RAP1B: variants seen among roughly 807,000 people sequenced by gnomAD.
RAP1B encodes the protein RAP1B, member of RAS oncogene family.
Under a neutral mutation model 27.5 loss-of-function variants are expected in RAP1B, and 1 was observed. That is an observed-to-expected ratio of 0.04 (90% CI 0.01 to 0.17). The LOEUF (loss-of-function observed/expected upper bound fraction) is 0.17. RAP1B is among the 10% of genes least tolerant of loss of function. The pLI is 1.00. For synonymous variants in RAP1B, 75 were observed against 73.1 expected, an observed-to-expected ratio of 1.03 and a Z score of -0.13; for missense variants, 84 against 214.8, an observed-to-expected ratio of 0.39 and a Z score of 3.81.
chr12:68,654,105 A>T lies in RAP1B; in HGVS notation c.184-7A>T, dbSNP rs779109159. The T allele has an allele frequency of 2.4e-5, 38 of 1,577,184 alleles. No individual in the cohort carries two copies. The South Asian group carries it at 4.0e-4, about 17-fold the overall frequency. ...TGTTTTTTAACGTTCCTTTCTTTCT[A>T]TTGTAGGAGCAATTTACAGCAATGA... On this transcript the variant is annotated splice_region_variant and splice_polypyrimidine_tract_variant and intron_variant, in intron 4 of 7. Transcript: ENST00000250559.
At chr12:68,654,793 G>C (rs761129143) in intron 5 of RAP1B, among the ~76,000 whole-genome samples, 5 of 152,088 alleles carry the variant, frequency 3.3e-5, no homozygotes, top group Non-Finnish European at 5.9e-5. Context: ...TATTAATTTA[G>C]GTGCCCCTTC....
intron 5 of RAP1B, 145 bp from the exon 6 acceptor site, chr12:68,656,161 A>C: frequency 1.4e-6 from 1 of 705,292 alleles, no homozygotes; most frequent in South Asian, 2.1e-5. Context: ...TAAATTGTTA[A>C]GGCTGTAAAT....
intron 1 of RAP1B, among the ~76,000 whole-genome samples, chr12:68,622,322 T>C (rs1469539509): frequency 1.3e-5 from 2 of 152,234 alleles, no homozygotes; most frequent in Non-Finnish European, 2.9e-5. Flanking sequence ...CATTATTTTC[T>C]ACCCAGAATA....
chr12:68,626,784 T>G (rs1377637138), intron 1 of RAP1B: 2 of 1,266,942 alleles, frequency 1.6e-6, no homozygotes, highest in East Asian at 2.6e-5. Flanking sequence ...GTTTTTTTTT[T>G]GTTGTTTGTT....
chr12:68,656,246 G>T, intron 5 of RAP1B, 60 bp from the exon 6 acceptor site: 1 of 1,424,502 alleles, frequency 7.0e-7, no homozygotes, highest in Non-Finnish European at 9.7e-7. Context: ...GAATTCTTTT[G>T]ATTTGAATTC....
At position 68,647,156 on chromosome 12, in the gene RAP1B, G is replaced by A. The variant is rs182247753; in HGVS notation, c.-26-1543G>A. Reference sequence around the variant, plus strand: ...CAACCTCCACCTCCCAGGTTCAAGCGATTCTCATGCCTCGGCTTTGCGAGT... The same window carrying A: ...CAACCTCCACCTCCCAGGTTCAAGCAATTCTCATGCCTCGGCTTTGCGAGT... On this transcript the variant is annotated intron_variant, in intron 1 of 7. Transcript: ENST00000250559. Among the ~76,000 whole-genome samples the A allele has an allele frequency of 8.7e-4, 133 of 152,288 alleles. 1 individual carries two copies. Among genetic ancestry groups the A allele is most frequent in the African/African-American group, 3.0e-3 (126 of 41,578 alleles).
intron 1 of RAP1B, among the ~76,000 whole-genome samples, chr12:68,631,045 C>T (rs570862479): frequency 7.2e-5 from 11 of 151,958 alleles, no homozygotes; most frequent in Admixed American, 3.3e-4. Flanking sequence ...AGGCAAATAC[C>T]CTAAGTGCTA....
chr12:68,613,410 G>GAAAAAA (rs1565653558), intron 1 of RAP1B, among the ~76,000 whole-genome samples: 1 of 144,324 alleles, frequency 6.9e-6, no homozygotes, highest in African/African-American at 2.6e-5. Context: ...AAAAAAAAAG[G>GAAAAAA]AGATAAGAAA....
At chr12:68,641,128 A>G (rs1872968126) in intron 1 of RAP1B, 1 of 152,198 alleles carries the variant, frequency 6.6e-6, no homozygotes, top group Non-Finnish European at 1.5e-5. Flanking sequence ...CTCCCACCTC[A>G]GCCTCTCAAG....
intron 1 of RAP1B, among the ~76,000 whole-genome samples, chr12:68,628,142 T>C (rs552815553): frequency 6.6e-6 from 1 of 152,226 alleles, no homozygotes; most frequent in Non-Finnish European, 1.5e-5. Flanking sequence ...ATACTAGCTT[T>C]TCCAGCCTCC....
At chr12:68,615,213 A>G (rs1478412350) in intron 1 of RAP1B, among the ~76,000 whole-genome samples, 2 of 152,222 alleles carry the variant, frequency 1.3e-5, no homozygotes, top group Non-Finnish European at 2.9e-5. Flanking sequence ...TAATTTAGAA[A>G]GATTTTTTTT....
intron 1 of RAP1B, chr12:68,626,902 G>T: frequency 6.4e-7 from 1 of 1,571,454 alleles, no homozygotes; most frequent in East Asian, 2.2e-5. Context: ...TTGTCCACAG[G>T]GCCACGATTG....
chr12:68,657,877 A>G (rs911071694), intron 7 of RAP1B, among the ~76,000 whole-genome samples: 7 of 150,406 alleles, frequency 4.7e-5, no homozygotes, highest in Admixed American at 1.3e-4. Flanking sequence ...CCAGTCACAC[A>G]CACACACACA....
chr12:68,670,211 C>A lies in RAP1B; in HGVS notation c.*10962C>A, dbSNP rs189239003. ...TCAGCCTCCCAAAGTACTGGGATTA[C>A]AGGTGTGAGCCACTGTGCCCGGCCG... On this transcript the variant is annotated 3_prime_UTR_variant, in exon 8 of 8. Transcript: ENST00000250559. 1.3e-5 allele frequency: 2 copies of A among 152,230 alleles called. No homozygotes were observed. The highest frequency in any genetic ancestry group is 3.9e-4 in the East Asian group (2 of 5,176). 9.4% of individuals were successfully genotyped at this position (152,230 alleles called of 1,614,324 possible). A position where few individuals can be genotyped will look rare whatever the true frequency, so the allele number is the denominator to read the frequency against.
chr12:68,662,925 AG>A lies in RAP1B; in HGVS notation c.*3678del, dbSNP rs1468770586. ...AGGATTGCTTGATCCCAGGAGATCAAGGATACAGTGAACTGTGTTCGCGCCA... is the reference window on the plus strand; with the variant it reads ...AGGATTGCTTGATCCCAGGAGATCAAGATACAGTGAACTGTGTTCGCGCCA... On this transcript the variant is annotated 3_prime_UTR_variant, in exon 8 of 8. Coordinates refer to ENST00000250559, the MANE Select transcript of RAP1B (RefSeq NM_001010942.3). 2 of 152,154 alleles carry A rather than the reference AG, an allele frequency of 1.3e-5. No homozygotes were observed. Among genetic ancestry groups the A allele is most frequent in the African/African-American group, 4.8e-5 (2 of 41,416 alleles). 9.4% of individuals were successfully genotyped at this position (152,154 alleles called of 1,614,324 possible). A position where few individuals can be genotyped will look rare whatever the true frequency, so the allele number is the denominator to read the frequency against.
At position 68,635,213 on chromosome 12, in the gene RAP1B, G is replaced by A. The variant is rs555495836; in HGVS notation, c.-26-13486G>A. Among the ~76,000 whole-genome samples, 129 of 152,110 alleles carry A rather than the reference G, an allele frequency of 8.5e-4. 4 individuals carry two copies. The South Asian group carries it at 0.026, about 31-fold the overall frequency. ...AAGAGGGTAGGAGAGGCAGTGTTTG[G>A]GCCCCTTATTTTTTCCTTCAAAAAG... On this transcript the variant is annotated intron_variant, in intron 1 of 7. Coordinates refer to ENST00000250559, the MANE Select transcript of RAP1B (RefSeq NM_001010942.3).
intron 1 of RAP1B, among the ~76,000 whole-genome samples, chr12:68,623,194 A>G (rs1449375267): frequency 6.6e-6 from 1 of 152,270 alleles, no homozygotes; most frequent in African/African-American, 2.4e-5. Context: ...TGAAAAGTTA[A>G]CCAGTATAAA....
chr12:68,656,392 A>T lies in RAP1B; in HGVS notation c.411A>T (p.Gln137His). The T allele has an allele frequency of 6.2e-7, 1 of 1,610,930 alleles. No homozygotes were observed. Among genetic ancestry groups the T allele is most frequent in the Non-Finnish European group, 8.5e-7 (1 of 1,177,238 alleles). The change falls in exon 6 of 8, where the codon CAA (glutamine) becomes CAT (histidine). Residue 137 changes from glutamine to histidine, a missense_variant. Physicochemically the swap from Gln to His is conservative, Grantham distance 24. Coordinates refer to ENST00000250559, the MANE Select transcript of RAP1B (RefSeq NM_001010942.3). ...GKEQGQNLARQWNNCAFLESS... is the reference protein window; with the variant it reads ...GKEQGQNLARHWNNCAFLESS... ...AACAAGGTCAAAATCTAGCAAGACA[A>T]TGGAACAACTGTGCATTCTTAGAAT...
chr12:68,629,357 AAGAGC>A (rs1872069439), intron 1 of RAP1B, among the ~76,000 whole-genome samples: 1 of 152,218 alleles, frequency 6.6e-6, no homozygotes, highest in Non-Finnish European at 1.5e-5. Flanking sequence ...AGGACATGGT[AAGAGC>A]TTTAAAAGCA....
Sources: gnomAD v4.1 joint callset for allele counts (sites outside exome capture counted in the v4.1 genomes callset) on GRCh38, gnomAD v4.1.1 for gene constraint, MANE v1.5 for transcripts, NCBI Gene and HGNC (gene_info 2026-07-23, HGNC 2026-07-21) for gene names.